Variants in FER observed in about 807,000 individuals in gnomAD.
FER encodes the protein FER tyrosine kinase, also known as tyrosine-protein kinase Fer.
FER carries 63 observed loss-of-function variants against 111.0 expected under a neutral mutation model. That is an observed-to-expected ratio of 0.57 (90% CI 0.46 to 0.70). FER has a LOEUF of 0.70. FER is among the 30% of genes least tolerant of loss of function. The pLI is 0.00. For missense variants in FER, 914 were observed against 954.0 expected (o/e 0.96, Z 0.55); for synonymous variants, 327 against 313.9 (o/e 1.04, Z -0.44).
rs74454127 is a variant in FER, at chr5:108,904,203, T to A, written c.1236+6355T>A. On this transcript the variant is annotated intron_variant, in intron 10 of 19. Coordinates refer to ENST00000281092, the MANE Select transcript of FER (RefSeq NM_005246.4). ...CACTGTTATGGGCCTTTTACTCTAA[T>A]TGGAGGGGACAGTGAATAAACAAAC... Among the ~76,000 whole-genome samples, 7 of 152,158 alleles carry A rather than the reference T, an allele frequency of 4.6e-5. 1 individual carries two copies. The East Asian group carries it at 7.7e-4, about 17-fold the overall frequency.
intron 12 of FER, among the ~76,000 whole-genome samples, chr5:108,957,554 A>G (rs1052745589): frequency 2.0e-5 from 3 of 151,712 alleles, no homozygotes; most frequent in African/African-American, 7.2e-5. Flanking sequence ...AGATTTCTCA[A>G]AAAGCTATGA....
chr5:108,833,252 C>T (rs1760235536), intron 4 of FER, among the ~76,000 whole-genome samples: 1 of 151,970 alleles, frequency 6.6e-6, no homozygotes, highest in African/African-American at 2.4e-5. Context: ...ATAAATTTGT[C>T]TTATCTAATA....
At chr5:108,986,982 A>C (rs1382204470) in intron 13 of FER, among the ~76,000 whole-genome samples, 1 of 151,928 alleles carries the variant, frequency 6.6e-6, no homozygotes, top group Non-Finnish European at 1.5e-5. Context: ...TTCTGTCAAG[A>C]ATGATGGTGG....
intron 17 of FER, among the ~76,000 whole-genome samples, chr5:109,163,423 A>G (rs1756208744): frequency 1.3e-5 from 2 of 152,130 alleles, no homozygotes; most frequent in Admixed American, 6.6e-5. Context: ...GCTGGGTTCT[A>G]TGGAAAAAAA....
At chr5:109,002,167 C>CA (rs1764869505) in intron 13 of FER, among the ~76,000 whole-genome samples, 1 of 151,362 alleles carries the variant, frequency 6.6e-6, no homozygotes, top group Non-Finnish European at 1.5e-5. Context: ...ATTGCCAAGT[C>CA]ACTCCTAAGC....
In FER at chr5:108,974,459, C is replaced by G. The variant is rs79103833; in HGVS notation, c.1656+15112C>G. On this transcript the variant is annotated intron_variant, in intron 13 of 19. Coordinates refer to ENST00000281092, the MANE Select transcript of FER (RefSeq NM_005246.4). ...CATTTGAAGAACTATTTGAAGGATT[C>G]TATCTTATACACCTGGAGTGGAGAC... 4.3e-3 allele frequency among the ~76,000 whole-genome samples: 650 copies of G among 152,228 alleles called. 3 individuals carry two copies. Among genetic ancestry groups the G allele is most frequent in the African/African-American group, 0.015 (614 of 41,530 alleles).
chr5:108,945,346 T>G (rs1489599572), intron 10 of FER, among the ~76,000 whole-genome samples: 2 of 149,398 alleles, frequency 1.3e-5, no homozygotes, highest in Admixed American at 6.7e-5. Flanking sequence ...GTCCTAGTTT[T>G]GGTTTTTTTT....
chr5:109,174,228 G>A (rs545786588), intron 17 of FER, among the ~76,000 whole-genome samples: 19 of 152,264 alleles, frequency 1.2e-4, no homozygotes, highest in African/African-American at 4.6e-4. Context: ...AACACAGTGA[G>A]ATCAGCAGTG....
chr5:109,056,397 GA>G (rs1301974495), intron 16 of FER, among the ~76,000 whole-genome samples: 1 of 152,156 alleles, frequency 6.6e-6, no homozygotes, highest in African/African-American at 2.4e-5. Flanking sequence ...CCGTAAAAAG[GA>G]GCAAGATCTG....
intron 17 of FER, among the ~76,000 whole-genome samples, chr5:109,179,950 AAG>A (rs1267074766): frequency 6.6e-6 from 1 of 152,160 alleles, no homozygotes; most frequent in East Asian, 1.9e-4. Flanking sequence ...GAACTCTCTG[AAG>A]AGAGAGCGTT....
intron 17 of FER, among the ~76,000 whole-genome samples, chr5:109,112,145 G>T (rs1325657332): frequency 6.7e-6 from 1 of 149,890 alleles, no homozygotes; most frequent in Non-Finnish European, 1.5e-5. Context: ...CTGTTTGTTT[G>T]TTTTTTTTTA....
At chr5:109,135,505 T>C (rs1338231272) in intron 17 of FER, among the ~76,000 whole-genome samples, 1 of 152,166 alleles carries the variant, frequency 6.6e-6, no homozygotes. Flanking sequence ...TGGTTACATA[T>C]TGGTAATTTC....
chr5:108,991,870 T>C (rs1166139203), intron 13 of FER, among the ~76,000 whole-genome samples: 1 of 150,830 alleles, frequency 6.6e-6, no homozygotes, highest in Non-Finnish European at 1.5e-5. Context: ...TTTCTTTTTT[T>C]TTTTTAAATT....
chr5:109,064,737 T>G (rs1774873606), intron 16 of FER, among the ~76,000 whole-genome samples: 1 of 152,206 alleles, frequency 6.6e-6, no homozygotes, highest in South Asian at 2.1e-4. Flanking sequence ...TGAACCACTC[T>G]TGCTCTTAGA....
chr5:109,046,604 CCT>C (rs1036830760), intron 15 of FER, among the ~76,000 whole-genome samples: 2 of 152,126 alleles, frequency 1.3e-5, no homozygotes, highest in African/African-American at 4.8e-5. Flanking sequence ...TATGGTTGGG[CCT>C]CTGTCTCCAT....
rs180888015 is a variant in FER, at chr5:108,797,317, A to G, written c.-59-807A>G. Among the ~76,000 whole-genome samples the G allele has an allele frequency of 3.3e-5, 5 of 152,106 alleles. No homozygotes were observed. In the East Asian group the frequency reaches 9.7e-4, roughly 29 times the overall value. On this transcript the variant is annotated intron_variant, in intron 2 of 19. Coordinates refer to ENST00000281092, the MANE Select transcript of FER (RefSeq NM_005246.4). ...GGATGGAGTCACTTTTGTTGCTGCA[A>G]GCTGTGCTGGCCGGGGTGCAGAAGG...
At position 108,849,475 on chromosome 5, in the gene FER, G is replaced by GTTGTTGTTGTT. The variant is rs1417095084; in HGVS notation, c.481+13673_481+13674insGTTGTTTTGTT. Among the ~76,000 whole-genome samples the GTTGTTGTTGTT allele has an allele frequency of 3.5e-3, 523 of 151,276 alleles. 2 individuals carry two copies. The highest frequency in any genetic ancestry group is 0.012 in the African/African-American group (500 of 41,172). Reference sequence around the variant, plus strand: ...TGGTTTTGTTGTTGTTGTTGTTGTTGTTGTTTTGTTTTGTTGTTGTTGTTG... The same window carrying GTTGTTGTTGTT: ...TGGTTTTGTTGTTGTTGTTGTTGTTGTTGTTGTTGTTTTGTTTTGTTTTGTTGTTGTTGTTG... On this transcript the variant is annotated intron_variant, in intron 5 of 19. Transcript: ENST00000281092.
intron 17 of FER, among the ~76,000 whole-genome samples, chr5:109,159,218 A>G (rs866418031): frequency 6.6e-6 from 1 of 152,146 alleles, no homozygotes; most frequent in Admixed American, 6.6e-5. Flanking sequence ...AAAATAATAG[A>G]TGTTATTTTC....
intron 2 of FER, among the ~76,000 whole-genome samples, chr5:108,779,718 A>G (rs1015565330): frequency 1.5e-4 from 23 of 152,264 alleles, no homozygotes; most frequent in African/African-American, 4.1e-4. Flanking sequence ...TACACAGTCA[A>G]TCTTGTCATC....
Sources: gnomAD v4.1 joint callset for allele counts (sites outside exome capture counted in the v4.1 genomes callset) on GRCh38, gnomAD v4.1.1 for gene constraint, MANE v1.5 for transcripts, NCBI Gene and HGNC (gene_info 2026-07-23, HGNC 2026-07-21) for gene names.